Variants in LRRC4C observed in about 807,000 individuals in gnomAD.
LRRC4C encodes the protein leucine rich repeat containing 4C.
A neutral mutation model predicts 33.6 loss-of-function variants in LRRC4C; 5 were observed. The ratio of observed to expected loss-of-function variants is 0.15; its 90% CI spans 0.08 to 0.31. The LOEUF is 0.31. Among genes scored for constraint, LRRC4C ranks in the 10% least tolerant of loss-of-function variants. LRRC4C has a pLI of 1.00. For missense variants in LRRC4C, 560 were observed against 796.7 expected, an observed-to-expected ratio of 0.70 and a Z score of 3.58; for synonymous variants, 329 against 302.0, an observed-to-expected ratio of 1.09 and a Z score of -0.93.
intron 2 of LRRC4C, among the ~76,000 whole-genome samples, chr11:40,763,342 A>G (rs1949313142): frequency 6.6e-6 from 1 of 152,084 alleles, no homozygotes; most frequent in African/African-American, 2.4e-5. Flanking sequence ...CATTTTTGTG[A>G]ACTGCAGAAG....
At chr11:40,362,972 T>C (rs975556962) in intron 3 of LRRC4C, among the ~76,000 whole-genome samples, 7 of 152,144 alleles carry the variant, frequency 4.6e-5, no homozygotes, top group Non-Finnish European at 1.0e-4. Context: ...GGTGGGGGTG[T>C]AAATTAGTTC....
chr11:40,862,493 G>T (rs902523458), intron 2 of LRRC4C, among the ~76,000 whole-genome samples: 3 of 152,048 alleles, frequency 2.0e-5, no homozygotes, highest in African/African-American at 7.2e-5. Context: ...ATGCTTCTGT[G>T]GTTTTTTAAA....
At chr11:41,429,780 G>T (rs61877336) in intron 1 of LRRC4C, among the ~76,000 whole-genome samples, 1 of 151,970 alleles carries the variant, frequency 6.6e-6, no homozygotes, top group Non-Finnish European at 1.5e-5. Flanking sequence ...TTCTCTAGCC[G>T]TCTGGTGTTT....
intron 2 of LRRC4C, among the ~76,000 whole-genome samples, chr11:40,671,843 A>G (rs925056614): frequency 6.6e-6 from 1 of 152,128 alleles, no homozygotes; most frequent in African/African-American, 2.4e-5. Context: ...GATTATTTCT[A>G]AGTACATTCA....
chr11:40,776,265 G>T (rs1949989556), intron 2 of LRRC4C, among the ~76,000 whole-genome samples: 1 of 128,972 alleles, frequency 7.8e-6, no homozygotes, highest in East Asian at 2.0e-4. Flanking sequence ...CCTCCTCCTG[G>T]ATTTTTCTCT....
chr11:40,954,234 A>C (rs377619636), intron 1 of LRRC4C, among the ~76,000 whole-genome samples: 1 of 151,914 alleles, frequency 6.6e-6, no homozygotes, highest in African/African-American at 2.4e-5. Context: ...TCTTTATAAC[A>C]CAAGAAACAA....
At chr11:40,598,022 A>G (rs1014200333) in intron 3 of LRRC4C, among the ~76,000 whole-genome samples, 1 of 152,170 alleles carries the variant, frequency 6.6e-6, no homozygotes. Flanking sequence ...TCAGAGTGCA[A>G]TCTATTATTG....
chr11:40,781,719 CT>C lies in LRRC4C; in HGVS notation c.-406-133442del, dbSNP rs1312990433. 2.0e-5 allele frequency among the ~76,000 whole-genome samples: 3 copies of C among 152,306 alleles called. No individual in the cohort carries two copies. In the South Asian group the frequency reaches 6.2e-4, roughly 32 times the overall value. On this transcript the variant is annotated intron_variant, in intron 2 of 6. Coordinates refer to ENST00000528697, the MANE Select transcript of LRRC4C (RefSeq NM_001258419.2). The stretch of plus-strand genomic sequence containing the variant: ...TAATTTTGTCTCTTAGGGTCTTCCC[CT>C]GTATTCAACTGGACTCTAATCATCT...
chr11:41,030,043 G>A (rs972396272), intron 1 of LRRC4C, among the ~76,000 whole-genome samples: 6 of 151,834 alleles, frequency 4.0e-5, no homozygotes, highest in South Asian at 2.1e-4. Flanking sequence ...GGAAAATAGC[G>A]TCCAGAAAGG....
At chr11:40,558,529 C>T (rs1320538998) in intron 3 of LRRC4C, among the ~76,000 whole-genome samples, 2 of 152,098 alleles carry the variant, frequency 1.3e-5, no homozygotes, top group African/African-American at 4.8e-5. Flanking sequence ...TTAAGGAAAA[C>T]TTCTACTATC....
At chr11:40,312,244 A>C (rs1285015420) in intron 4 of LRRC4C, among the ~76,000 whole-genome samples, 1 of 152,216 alleles carries the variant, frequency 6.6e-6, no homozygotes, top group Non-Finnish European at 1.5e-5. Context: ...CTTAATCGAT[A>C]ACAGTAACCA....
At chr11:40,851,180 G>GA (rs146000204) in intron 2 of LRRC4C, among the ~76,000 whole-genome samples, 6,427 of 149,428 alleles carry the variant, frequency 0.043, 288 homozygotes, top group African/African-American at 0.11. Context: ...GGGTATGGGG[G>GA]AAAAAAAAAA....
At chr11:40,760,861 A>G (rs1949178758) in intron 2 of LRRC4C, among the ~76,000 whole-genome samples, 1 of 146,550 alleles carries the variant, frequency 6.8e-6, no homozygotes, top group Non-Finnish European at 1.5e-5. Flanking sequence ...ATATGTATAT[A>G]TGTATGTATA....
intron 1 of LRRC4C, among the ~76,000 whole-genome samples, chr11:41,112,270 C>T (rs1293586030): frequency 6.6e-6 from 1 of 152,012 alleles, no homozygotes; most frequent in Non-Finnish European, 1.5e-5. Context: ...ACAAGTAAAA[C>T]CTTTCTGGCC....
intron 5 of LRRC4C, among the ~76,000 whole-genome samples, chr11:40,170,389 C>T (rs896886259): frequency 6.6e-6 from 1 of 152,132 alleles, no homozygotes; most frequent in South Asian, 2.1e-4. Context: ...AAAACATCTG[C>T]AGTGCCTATT....
At chr11:41,119,151 G>A (rs1163958672) in intron 1 of LRRC4C, among the ~76,000 whole-genome samples, 1 of 151,994 alleles carries the variant, frequency 6.6e-6, no homozygotes, top group African/African-American at 2.4e-5. Context: ...TGCTGACGAT[G>A]TTCATATATC....
chr11:40,630,324 T>TTCTTCC (rs1161719203), intron 3 of LRRC4C, among the ~76,000 whole-genome samples: 5 of 137,604 alleles, frequency 3.6e-5, no homozygotes, highest in South Asian at 2.5e-4. Flanking sequence ...GTTTTCTTTC[T>TTCTTCC]TCTTCCTCTT....
intron 1 of LRRC4C, among the ~76,000 whole-genome samples, chr11:41,292,224 T>C (rs1950013184): frequency 6.6e-6 from 1 of 152,064 alleles, no homozygotes; most frequent in African/African-American, 2.4e-5. Flanking sequence ...GAAGATGTAA[T>C]GTGAGCCTTT....
intron 3 of LRRC4C, among the ~76,000 whole-genome samples, chr11:40,357,229 T>C (rs1947710586): frequency 6.6e-6 from 1 of 152,174 alleles, no homozygotes; most frequent in South Asian, 2.1e-4. Context: ...TCAGTGTGAC[T>C]GCTATTTTAT....
Sources: gnomAD v4.1 joint callset for allele counts (sites outside exome capture counted in the v4.1 genomes callset) on GRCh38, gnomAD v4.1.1 for gene constraint, MANE v1.5 for transcripts, NCBI Gene and HGNC (gene_info 2026-07-23, HGNC 2026-07-21) for gene names.